The following ABLIM1 variants were observed in gnomAD, a reference collection of about 807,000 sequenced individuals.
ABLIM1 encodes the protein actin binding LIM protein 1.
Under a neutral mutation model 107.0 loss-of-function variants are expected in ABLIM1, and 40 were observed. The ratio of observed to expected loss-of-function variants is 0.37; its 90% CI spans 0.29 to 0.49. The LOEUF (loss-of-function observed/expected upper bound fraction) is 0.49, where lower values mean the gene tolerates loss of function less well. Ranked by LOEUF, ABLIM1 falls within the 20% of genes least tolerant of loss-of-function variation. The probability of loss-of-function intolerance (pLI) is 0.97; values close to 1 mark genes in which losing one functional copy is unlikely to be tolerated. For missense variants in ABLIM1, 857 were observed against 1,008.5 expected (o/e 0.85, Z 2.04); for synonymous variants, 357 against 357.3 (o/e 1.00, Z 0.01).
In ABLIM1 at chr10:114,476,278, G is replaced by T. The variant is rs954774081; in HGVS notation, c.1042-2322C>A. 2.0e-5 allele frequency among the ~76,000 whole-genome samples: 3 copies of T among 152,120 alleles called. No homozygotes were observed. The South Asian group carries it at 6.2e-4, about 31-fold the overall frequency. On this transcript the variant is annotated intron_variant, in intron 8 of 22. Coordinates refer to ENST00000533213, the MANE Select transcript of ABLIM1 (RefSeq NM_002313.7). ...CCTGCTAGAGTTATACCAATCACAG[G>T]CATATCTCAATATGAGAAAATTCTA...
chr10:114,789,022 C>T, the ABLIM1 span, among the ~76,000 whole-genome samples: 2 of 151,980 alleles, frequency 1.3e-5, no homozygotes, highest in African/African-American at 4.8e-5. Flanking sequence ...TTTGGGAGGC[C>T]GAGGTGGGCG....
chr10:114,660,062 G>T (rs1328604704), upstream of ABLIM1, among the ~76,000 whole-genome samples: 5 of 152,170 alleles, frequency 3.3e-5, no homozygotes, highest in Non-Finnish European at 5.9e-5. Flanking sequence ...CTGTCTAGAG[G>T]CACTCAGACT....
chr10:114,632,040 C>A, intron 1 of ABLIM1: 1 of 1,266,808 alleles, frequency 7.9e-7, no homozygotes, highest in Non-Finnish European at 1.0e-6. Flanking sequence ...CCCCGGCATC[C>A]GCTTGTGAGG....
chr10:114,590,007 C>T (rs1298992926), intron 2 of ABLIM1, among the ~76,000 whole-genome samples: 1 of 152,058 alleles, frequency 6.6e-6, no homozygotes, highest in African/African-American at 2.4e-5. Context: ...TACTGGTGTA[C>T]CATTTTTAGT....
the ABLIM1 span, among the ~76,000 whole-genome samples, chr10:114,783,983 G>C: frequency 6.6e-6 from 1 of 152,024 alleles, no homozygotes; most frequent in Non-Finnish European, 1.5e-5. Context: ...CTGGACAATG[G>C]GGACAGAAGC....
chr10:114,730,397 CAA>C (rs59713925), intron 1 of ABLIM1, among the ~76,000 whole-genome samples: 4,831 of 72,612 alleles, frequency 0.067, 57 homozygotes, highest in African/African-American at 0.12. Flanking sequence ...AACTCCATCT[CAA>C]AAAAAAAAAA....
chr10:114,708,140 G>T (rs576800488), intron 1 of ABLIM1, among the ~76,000 whole-genome samples: 19 of 152,038 alleles, frequency 1.2e-4, no homozygotes, highest in Non-Finnish European at 1.9e-4. Flanking sequence ...TAAAAAAGGA[G>T]CCCCCATGAG....
intron 4 of ABLIM1, among the ~76,000 whole-genome samples, chr10:114,552,783 C>G (rs1194318395): frequency 2.0e-5 from 3 of 152,132 alleles, no homozygotes; most frequent in African/African-American, 7.2e-5. Context: ...AAGAAGGGGA[C>G]ACGTTGCTTT....
chr10:114,488,091 G>T, intron 7 of ABLIM1, 75 bp from the exon 8 acceptor site: 1 of 1,449,508 alleles, frequency 6.9e-7, no homozygotes, highest in South Asian at 1.1e-5. Context: ...GCACTTCTGA[G>T]AATGGCTCCT....
chr10:114,756,257 C>T (rs2082628216), intron 1 of ABLIM1, among the ~76,000 whole-genome samples: 1 of 152,152 alleles, frequency 6.6e-6, no homozygotes, highest in African/African-American at 2.4e-5. Context: ...GTTCACTATA[C>T]TATAACTAGA....
At chr10:114,647,680 C>T (rs2079067659) in intron 1 of ABLIM1, among the ~76,000 whole-genome samples, 1 of 152,212 alleles carries the variant, frequency 6.6e-6, no homozygotes, top group Non-Finnish European at 1.5e-5. Context: ...TCCCTCTCCA[C>T]TTGGGCTGCA....
At chr10:114,672,800 T>C (rs2080311002) in intron 1 of ABLIM1, among the ~76,000 whole-genome samples, 1 of 152,212 alleles carries the variant, frequency 6.6e-6, no homozygotes, top group Non-Finnish European at 1.5e-5. Flanking sequence ...TATAAGATAG[T>C]GATCAAGGTT....
intron 1 of ABLIM1, among the ~76,000 whole-genome samples, chr10:114,718,094 GAA>G (rs1555227727): frequency 2.9e-4 from 24 of 82,134 alleles, no homozygotes; most frequent in Non-Finnish European, 5.3e-4. Context: ...AGGAAGGAAG[GAA>G]AAGAAAAAGA....
upstream of ABLIM1, among the ~76,000 whole-genome samples, chr10:114,770,591 G>C (rs1052287938): frequency 6.6e-6 from 1 of 152,020 alleles, no homozygotes; most frequent in African/African-American, 2.4e-5. Flanking sequence ...CAGTGATCTC[G>C]TTCAATCAAC....
chr10:114,465,508 G>T (rs997638719), intron 12 of ABLIM1, 190 bp downstream of exon 12: 1 of 583,202 alleles, frequency 1.7e-6, no homozygotes. Flanking sequence ...ATGAACACAG[G>T]CTTAGGATGA....
intron 4 of ABLIM1, among the ~76,000 whole-genome samples, chr10:114,562,866 C>T (rs2069966407): frequency 6.6e-6 from 1 of 152,080 alleles, no homozygotes; most frequent in African/African-American, 2.4e-5. Context: ...AAACCCCAAA[C>T]AAACAAAAAA....
At chr10:114,448,081 A>C (rs1311918722) in intron 14 of ABLIM1, 61 bp from the exon 15 acceptor site, 9 of 1,601,488 alleles carry the variant, frequency 5.6e-6, no homozygotes, top group Non-Finnish European at 6.8e-6. Flanking sequence ...ATGGCGGTAC[A>C]ACCCCACTTA....
At chr10:114,683,632 A>G (rs958471675) in intron 1 of ABLIM1, among the ~76,000 whole-genome samples, 1 of 152,096 alleles carries the variant, frequency 6.6e-6, no homozygotes, top group African/African-American at 2.4e-5. Context: ...GGAATTACCC[A>G]CGAGTCTACT....
intron 1 of ABLIM1, among the ~76,000 whole-genome samples, chr10:114,765,506 C>T (rs2082871163): frequency 6.6e-6 from 1 of 152,132 alleles, no homozygotes; most frequent in Admixed American, 6.5e-5. Flanking sequence ...CTTAAGTAGA[C>T]ACATTAAGCT....
Sources: allele counts gnomAD v4.1 joint callset (sites outside exome capture counted in the v4.1 genomes callset), GRCh38; gene constraint gnomAD v4.1.1; transcripts MANE v1.5; gene names NCBI Gene and HGNC (gene_info 2026-07-23, HGNC 2026-07-21).